TSNAX: variants seen among roughly 807,000 people sequenced by gnomAD.
The protein encoded by TSNAX is translin-associated protein X.
Under a neutral mutation model 33.0 loss-of-function variants are expected in TSNAX, and 12 were observed. The ratio of observed to expected loss-of-function variants is 0.36; its 90% CI spans 0.23 to 0.59. The LOEUF (loss-of-function observed/expected upper bound fraction) is 0.59. Among genes scored for constraint, TSNAX ranks in the 20% least tolerant of loss-of-function variants. TSNAX has a pLI of 0.74. For missense variants in TSNAX, 267 were observed against 341.3 expected (o/e 0.78, Z 1.72); for synonymous variants, 110 against 117.2 (o/e 0.94, Z 0.40).
chr1:231,531,823 G>T (rs1236747103), intron 2 of TSNAX, among the ~76,000 whole-genome samples: 1 of 152,084 alleles, frequency 6.6e-6, no homozygotes, highest in Non-Finnish European at 1.5e-5. Context: ...TGGTTTAAGG[G>T]TATTTCAAGG....
rs1357541062 is a variant in TSNAX, at chr1:231,551,415, A to C, written c.367+8804A>C. Among the ~76,000 whole-genome samples the C allele has an allele frequency of 2.6e-5, 4 of 152,218 alleles. No individual in the cohort carries two copies. The East Asian group carries it at 5.8e-4, about 22-fold the overall frequency. Reference sequence around the variant, plus strand: ...AACCTTGGAACAAAGTGTACAACCTATTTGAATTTCAGCTTTCTTTCCTTT... The same window carrying C: ...AACCTTGGAACAAAGTGTACAACCTCTTTGAATTTCAGCTTTCTTTCCTTT... On this transcript the variant is annotated intron_variant, in intron 4 of 5. Coordinates refer to ENST00000366639, the MANE Select transcript of TSNAX (RefSeq NM_005999.3).
intron 4 of TSNAX, among the ~76,000 whole-genome samples, chr1:231,559,979 A>ATTTT (rs1391377793): frequency 6.8e-6 from 1 of 147,712 alleles, no homozygotes; most frequent in Non-Finnish European, 1.5e-5. Flanking sequence ...TATTATTATT[A>ATTTT]TTATTATTTT....
chr1:231,559,625 G>A (rs1660916076), intron 4 of TSNAX, among the ~76,000 whole-genome samples: 2 of 152,150 alleles, frequency 1.3e-5, no homozygotes, highest in Non-Finnish European at 2.9e-5. Flanking sequence ...ACCGGCGCCC[G>A]GCCAGAAAGT....
intron 4 of TSNAX, among the ~76,000 whole-genome samples, chr1:231,545,143 A>G (rs1014203144): frequency 1.3e-5 from 2 of 152,240 alleles, no homozygotes; most frequent in Admixed American, 1.3e-4. Context: ...TTGCTGACAG[A>G]TATTTTATTT....
At chr1:231,530,351 G>T (rs536383377) in intron 2 of TSNAX, among the ~76,000 whole-genome samples, 2 of 152,332 alleles carry the variant, frequency 1.3e-5, no homozygotes, top group South Asian at 4.1e-4. Flanking sequence ...GTGATCGTCA[G>T]AAGTTTAAGA....
At chr1:231,533,966 G>A (rs1472668715) in intron 2 of TSNAX, among the ~76,000 whole-genome samples, 1 of 152,120 alleles carries the variant, frequency 6.6e-6, no homozygotes, top group African/African-American at 2.4e-5. Context: ...TCTCAATAAG[G>A]TTCCTTCCAG....
chr1:231,540,615 CTGTTAT>C, intron 3 of TSNAX, among the ~76,000 whole-genome samples: 1 of 152,216 alleles, frequency 6.6e-6, no homozygotes, highest in South Asian at 2.1e-4. Context: ...AGTGTGTATT[CTGTTAT>C]TGTTAGGTGT....
intron 4 of TSNAX, 42 bp downstream of exon 4, chr1:231,542,653 G>T: frequency 3.2e-6 from 5 of 1,585,936 alleles, no homozygotes; most frequent in Non-Finnish European, 4.3e-6. Flanking sequence ...ATTTTAAATG[G>T]TGTGCTACAT....
At chr1:231,559,348 A>G (rs1224428031) in intron 4 of TSNAX, among the ~76,000 whole-genome samples, 1 of 133,276 alleles carries the variant, frequency 7.5e-6, no homozygotes, top group African/African-American at 2.7e-5. Context: ...GTTGTTTTTG[A>G]GATGGAATCT....
rs766022431 is a variant in TSNAX at position 231,542,568 on chromosome 1, A to G, written c.324A>G (p.Leu108=). Residue 108 remains leucine, a synonymous_variant, in exon 4 of 6, where the codon CTA becomes CTG. Transcript: ENST00000366639. ...AGATATTCCAGGTAGCCCAAGAGCT[A>G]TCAGGGGAAGATATGCATCAGTTCC... is the stretch of plus-strand genomic sequence containing the variant. The part of the protein sequence containing the change: ...RQKIFQVAQE[L]SGEDMHQFHR... 8.1e-6 allele frequency: 13 copies of G among 1,613,970 alleles called. No individual in the cohort carries two copies. The highest frequency in any genetic ancestry group is 3.3e-5 in the South Asian group (3 of 91,090).
chr1:231,532,626 T>G (rs930133894), intron 2 of TSNAX, among the ~76,000 whole-genome samples: 1 of 152,174 alleles, frequency 6.6e-6, no homozygotes, highest in Non-Finnish European at 1.5e-5. Context: ...TATTAATATA[T>G]GTGGTTAAAG....
intron 2 of TSNAX, among the ~76,000 whole-genome samples, chr1:231,531,301 C>A (rs200906014): frequency 1.3e-5 from 2 of 152,090 alleles, no homozygotes; most frequent in African/African-American, 2.4e-5. Flanking sequence ...TAGCCTCTTT[C>A]CTGTGAATGC....
intron 3 of TSNAX, among the ~76,000 whole-genome samples, chr1:231,539,145 G>T (rs930270887): frequency 6.6e-6 from 1 of 151,954 alleles, no homozygotes; most frequent in African/African-American, 2.4e-5. Context: ...TAGATAGCTT[G>T]TACATAATAA....
rs879398004 is a variant in TSNAX at position 231,565,613 on chromosome 1, A to G, written c.*708A>G. ...GTGGTATGTGCCTGTAATCCCAGCT[A>G]CTTGGGAGGCTGAGGCAGGAGACTC... On this transcript the variant is annotated 3_prime_UTR_variant, in exon 6 of 6. Transcript: ENST00000366639. 6.6e-6 allele frequency: 1 copy of G among 152,506 alleles called. No homozygotes were observed. The highest frequency in any genetic ancestry group is 1.9e-4 in the East Asian group (1 of 5,200). The allele number at this position is 152,506 out of a possible 1,614,324, so 9.4% of individuals were successfully genotyped here.
rs561370053 is a variant in TSNAX, at chr1:231,558,036, A to G, written c.368-3092A>G. Among the ~76,000 whole-genome samples, 5 of 152,198 alleles carry G rather than the reference A, an allele frequency of 3.3e-5. No individual in the cohort carries two copies. The East Asian group carries it at 5.8e-4, about 18-fold the overall frequency. On this transcript the variant is annotated intron_variant, in intron 4 of 5. Coordinates refer to ENST00000366639, the MANE Select transcript of TSNAX (RefSeq NM_005999.3). ...AGGGCGGAGGCAGAGCACCCAAGGAACTAAATTTGGCAGAACCCAACCCTC... is the reference window on the plus strand; with the variant it reads ...AGGGCGGAGGCAGAGCACCCAAGGAGCTAAATTTGGCAGAACCCAACCCTC...
chr1:231,553,365 A>G (rs998267886), intron 4 of TSNAX, among the ~76,000 whole-genome samples: 2 of 152,208 alleles, frequency 1.3e-5, no homozygotes, highest in African/African-American at 4.8e-5. Context: ...CAAGGAAAAA[A>G]ATAACAATTT....
chr1:231,561,280 A>G (rs377191702), intron 5 of TSNAX, 25 bp downstream of exon 5: 6 of 1,459,184 alleles, frequency 4.1e-6, no homozygotes, highest in African/African-American at 2.9e-5. Context: ...TTTATTTCAC[A>G]TTTGTTATAT....
chr1:231,537,189 C>A, intron 2 of TSNAX, 24 bp from the exon 3 acceptor site: 1 of 1,526,448 alleles, frequency 6.6e-7, no homozygotes, highest in Non-Finnish European at 9.0e-7. Flanking sequence ...AATATACATG[C>A]TTATGATCAT....
chr1:231,545,731 C>A (rs200750990), intron 4 of TSNAX, among the ~76,000 whole-genome samples: 35 of 152,134 alleles, frequency 2.3e-4, no homozygotes, highest in Non-Finnish European at 3.7e-4. Context: ...TGTTTTAATT[C>A]TTTTATCCAA....
Sources: allele counts gnomAD v4.1 joint callset (sites outside exome capture counted in the v4.1 genomes callset), GRCh38; gene constraint gnomAD v4.1.1; transcripts MANE v1.5; gene names NCBI Gene and HGNC (gene_info 2026-07-23, HGNC 2026-07-21).